The following CMTM5 variants were observed in gnomAD, a reference collection of about 807,000 sequenced individuals.
CMTM5 encodes CKLF-like MARVEL transmembrane domain-containing protein 5.
Under a neutral mutation model 26.9 loss-of-function variants are expected in CMTM5, and 25 were observed. The observed-to-expected ratio is 0.93, with a 90% confidence interval of 0.68 to 1.30. The LOEUF is 1.30. Among genes scored for constraint, CMTM5 ranks in the 50% most tolerant of loss-of-function variants. The pLI is 0.00. For synonymous variants in CMTM5, 98 were observed against 115.5 expected, an observed-to-expected ratio of 0.85 and a Z score of 0.97; for missense variants, 292 against 289.6, an observed-to-expected ratio of 1.01 and a Z score of -0.06.
rs1230523534 is a variant in CMTM5, at chr14:23,378,091, G to C, written c.127-258G>C. 1 of 548,408 alleles carries C rather than the reference G, an allele frequency of 1.8e-6. No individual in the cohort carries two copies. Among genetic ancestry groups the C allele is most frequent in the African/African-American group, 1.9e-5 (1 of 52,676 alleles). The allele number at this position is 548,408 out of a possible 1,614,324, so 34.0% of individuals were successfully genotyped here. The stretch of plus-strand genomic sequence containing the variant: ...TGAATTACTGTGGGATAGTGCTCCT[G>C]GGAGCCATATGGCTTGGCCAGACTG... On this transcript the variant is annotated intron_variant, in intron 1 of 5. Coordinates refer to ENST00000339180, the MANE Select transcript of CMTM5 (RefSeq NM_001288746.2). The surrounding 1 kb of genome is among the most constrained non-coding windows in gnomAD (Gnocchi z 4.2).
Position 23,377,228 on chromosome 14 carries a change from G to C in CMTM5, c.-24G>C. 1 of 1,609,006 alleles carries C rather than the reference G, an allele frequency of 6.2e-7. No individual in the cohort carries two copies. The highest frequency in any genetic ancestry group is 1.1e-5 in the South Asian group (1 of 90,892). ...CTTGCTGGGCTTTTGGCAGTAGGGGGCTGTGTTGGTGGGCCCTACGAAGAT... is the reference window on the plus strand; with the variant it reads ...CTTGCTGGGCTTTTGGCAGTAGGGGCCTGTGTTGGTGGGCCCTACGAAGAT... On this transcript the variant is annotated 5_prime_UTR_variant, in exon 1 of 6. Coordinates refer to ENST00000339180, the MANE Select transcript of CMTM5 (RefSeq NM_001288746.2). The surrounding 1 kb of genome is among the most constrained non-coding windows in gnomAD (Gnocchi z 4.6).
In CMTM5 at chr14:23,379,742, G is replaced by A. The variant is rs1380059566; in HGVS notation, c.*255G>A. 1.2e-6 allele frequency: 1 copy of A among 862,126 alleles called. No individual in the cohort carries two copies. Among genetic ancestry groups the A allele is most frequent in the Non-Finnish European group, 1.7e-6 (1 of 579,538 alleles). The allele number at this position is 862,126 out of a possible 1,614,324, so 53.4% of individuals were successfully genotyped here. A position where few individuals can be genotyped will look rare whatever the true frequency, so the allele number is the denominator to read the frequency against. On this transcript the variant is annotated 3_prime_UTR_variant, in exon 6 of 6. Coordinates refer to ENST00000339180, the MANE Select transcript of CMTM5 (RefSeq NM_001288746.2). ...GGAGGGGAGGAATCTGGACCTCTAA[G>A]TCATTCCCAAATTAAAATATTCAAA...
rs1753694404 is a variant in CMTM5, at chr14:23,378,892, G to A, written c.480+23G>A. On this transcript the variant is annotated intron_variant, in intron 3 of 5. Coordinates refer to ENST00000339180, the MANE Select transcript of CMTM5 (RefSeq NM_001288746.2). The surrounding 1 kb of genome is among the most constrained non-coding windows in gnomAD (Gnocchi z 4.2). ...AGTGTGAGCGCTCTGTCTCTTGAATGTGCTTCATATTGTGTGAGGGGTATC... is the reference window on the plus strand; with the variant it reads ...AGTGTGAGCGCTCTGTCTCTTGAATATGCTTCATATTGTGTGAGGGGTATC... 2 of 1,612,226 alleles carry A rather than the reference G, an allele frequency of 1.2e-6. No homozygotes were observed. Among genetic ancestry groups the A allele is most frequent in the South Asian group, 2.2e-5 (2 of 90,852 alleles).
At position 23,378,313 on chromosome 14, in the gene CMTM5, C is replaced by T; in HGVS notation, c.127-36C>T. 2.5e-6 allele frequency: 4 copies of T among 1,610,396 alleles called. No homozygotes were observed. Among genetic ancestry groups the T allele is most frequent in the Non-Finnish European group, 3.4e-6 (4 of 1,178,134 alleles). ...CAAAGCCCTGGCCCCTGCCTGTGTCCCCTTCTTGGCATGTTCCACATGCTC... is the reference window on the plus strand; with the variant it reads ...CAAAGCCCTGGCCCCTGCCTGTGTCTCCTTCTTGGCATGTTCCACATGCTC... On this transcript the variant is annotated intron_variant, in intron 1 of 5. Coordinates refer to ENST00000339180, the MANE Select transcript of CMTM5 (RefSeq NM_001288746.2). This position sits in a 1 kb window ranked among gnomAD's most constrained non-coding sequence, Gnocchi z 4.2.
At position 23,379,583 on chromosome 14, in the gene CMTM5, AC is replaced by A; in HGVS notation, c.*100del. ...GATTCACTAGCCCCCAGCCCGCCAA[AC>A]CCCACCCCAGCCCTACACAGCAGTC... On this transcript the variant is annotated 3_prime_UTR_variant, in exon 6 of 6. Transcript: ENST00000339180. The A allele has an allele frequency of 6.4e-7, 1 of 1,567,056 alleles. No individual in the cohort carries two copies. The highest frequency in any genetic ancestry group is 8.6e-7 in the Non-Finnish European group (1 of 1,162,526).
In CMTM5 at chr14:23,377,083, C is replaced by T; in HGVS notation, c.-169C>T. On this transcript the variant is annotated 5_prime_UTR_variant, in exon 1 of 6. Coordinates refer to ENST00000339180, the MANE Select transcript of CMTM5 (RefSeq NM_001288746.2). The surrounding 1 kb of genome is among the most constrained non-coding windows in gnomAD (Gnocchi z 4.6). ...TGGGTGAGGGCCCATCTGGGCAAGG[C>T]CCCCAGCGCCTGCCTTCTCTCCCGG... The T allele has an allele frequency of 1.1e-6, 1 of 869,638 alleles. No individual in the cohort carries two copies. The highest frequency in any genetic ancestry group is 1.7e-6 in the Non-Finnish European group (1 of 577,110). 53.9% of individuals were successfully genotyped at this position (869,638 alleles called of 1,614,324 possible). A position where few individuals can be genotyped will look rare whatever the true frequency, so the allele number is the denominator to read the frequency against.
chr14:23,377,190 G>C lies in CMTM5; in HGVS notation c.-62G>C, dbSNP rs1890594897. ...TCCTGTCTGTTTCCCCATCCTGCCAGATTTCTGTTTCTCTTGCTGGGCTTT... is the reference window on the plus strand; with the variant it reads ...TCCTGTCTGTTTCCCCATCCTGCCACATTTCTGTTTCTCTTGCTGGGCTTT... On this transcript the variant is annotated 5_prime_UTR_variant, in exon 1 of 6. Coordinates refer to ENST00000339180, the MANE Select transcript of CMTM5 (RefSeq NM_001288746.2). This position sits in a 1 kb window ranked among gnomAD's most constrained non-coding sequence, Gnocchi z 4.6. 1 of 1,591,610 alleles carries C rather than the reference G, an allele frequency of 6.3e-7. No individual in the cohort carries two copies. Among genetic ancestry groups the C allele is most frequent in the Non-Finnish European group, 8.5e-7 (1 of 1,171,314 alleles).
At position 23,379,064 on chromosome 14, in the gene CMTM5, T is replaced by C; in HGVS notation, c.514T>C (p.Phe172Leu). Residue 172 changes from phenylalanine (F) to leucine (L), a missense_variant, in exon 4 of 6, where the codon TTC becomes CTC. Physicochemically the swap from Phe to Leu is conservative, Grantham distance 22. Coordinates refer to ENST00000339180, the MANE Select transcript of CMTM5 (RefSeq NM_001288746.2). ...GCGCTGTGTCAGTGCCATCATCATC[T>C]TCCTGGTGGTCTCCTTTGCAGCTGT... ...FLRCVSAIII[F>L]LVVSFAAVTS... 6.2e-7 allele frequency: 1 copy of C among 1,614,124 alleles called. No homozygotes were observed. The highest frequency in any genetic ancestry group is 1.1e-5 in the South Asian group (1 of 91,070).
At chr14:23,379,255 G>A in intron 4 of CMTM5, 44 bp from the exon 5 acceptor site, 1 of 1,612,232 alleles carries the variant, frequency 6.2e-7, no homozygotes, top group Admixed American at 1.7e-5. Context: ...TAACCCAATG[G>A]CCCTATAGCC....
chr14:23,379,151 G>T, intron 4 of CMTM5, 28 bp downstream of exon 4: 1 of 1,610,022 alleles, frequency 6.2e-7, no homozygotes, highest in Non-Finnish European at 8.5e-7. Flanking sequence ...GGACTCCTTA[G>T]CCCCTCAAGA....
chr14:23,379,710 G>C lies in CMTM5; in HGVS notation c.*223G>C, dbSNP rs539218396. On this transcript the variant is annotated 3_prime_UTR_variant, in exon 6 of 6. Coordinates refer to ENST00000339180, the MANE Select transcript of CMTM5 (RefSeq NM_001288746.2). ...AGAGGAGGGGAACTTATTGGGGGAG[G>C]GGGGGTGGAGGGGAGGAATCTGGAC... 2.3e-5 allele frequency: 22 copies of C among 959,472 alleles called. No homozygotes were observed. In the East Asian group the frequency reaches 5.9e-4, roughly 26 times the overall value. The allele number at this position is 959,472 out of a possible 1,614,324, so 59.4% of individuals were successfully genotyped here.
Position 23,377,258 on chromosome 14 carries a change from A to T in CMTM5, c.7A>T (p.Ser3Cys), listed in dbSNP as rs758016692. 16 of 1,611,978 alleles carry T rather than the reference A, an allele frequency of 9.9e-6. No homozygotes were observed. The South Asian group carries it at 1.6e-4, about 17-fold the overall frequency. The change falls in exon 1 of 6, where the codon AGT (serine) becomes TGT (cysteine). Residue 3 changes from serine (S) to cysteine (C), a missense_variant. Ser to Cys is a moderately radical substitution (Grantham distance 112). Transcript: ENST00000339180. The surrounding 1 kb of genome is among the most constrained non-coding windows in gnomAD (Gnocchi z 4.6). ML[S>C]ARDRRDRHPE... ...GTTGGTGGGCCCTACGAAGATGCTC[A>T]GTGCTCGAGATCGCCGGGACCGGCA...
In CMTM5 at chr14:23,378,293, C is replaced by T. The variant is rs1890670057; in HGVS notation, c.127-56C>T. The T allele has an allele frequency of 6.3e-7, 1 of 1,594,228 alleles. No homozygotes were observed. The highest frequency in any genetic ancestry group is 8.6e-7 in the Non-Finnish European group (1 of 1,167,752). On this transcript the variant is annotated intron_variant, in intron 1 of 5. Coordinates refer to ENST00000339180, the MANE Select transcript of CMTM5 (RefSeq NM_001288746.2). The surrounding 1 kb of genome is among the most constrained non-coding windows in gnomAD (Gnocchi z 4.2). Reference sequence around the variant, plus strand: ...AGCTTCCAAGGAGGGGAAGGCAAAGCCCTGGCCCCTGCCTGTGTCCCCTTC... The same window carrying T: ...AGCTTCCAAGGAGGGGAAGGCAAAGTCCTGGCCCCTGCCTGTGTCCCCTTC...
Position 23,379,085 on chromosome 14 carries a change from G to T in CMTM5, c.535G>T (p.Ala179Ser). The change falls in exon 4 of 6, where the codon GCT becomes TCT. Residue 179 changes from alanine (A) to serine (S), a missense_variant. Coordinates refer to ENST00000339180, the MANE Select transcript of CMTM5 (RefSeq NM_001288746.2). ...IIIFLVVSFA[A>S]VTSRDGAAIA... ...CATCTTCCTGGTGGTCTCCTTTGCA[G>T]CTGTGACCTCCCGGGACGGAGCTGC... 1 of 1,614,064 alleles carries T rather than the reference G, an allele frequency of 6.2e-7. No individual in the cohort carries two copies.
chr14:23,377,058 T>A lies in CMTM5; in HGVS notation c.-194T>A. The A allele has an allele frequency of 3.0e-6, 2 of 667,306 alleles. No homozygotes were observed. The highest frequency in any genetic ancestry group is 4.9e-6 in the Non-Finnish European group (2 of 404,440). The allele number at this position is 667,306 out of a possible 1,614,324, so 41.3% of individuals were successfully genotyped here. A position where few individuals can be genotyped will look rare whatever the true frequency, so the allele number is the denominator to read the frequency against. On this transcript the variant is annotated 5_prime_UTR_variant, in exon 1 of 6. Transcript: ENST00000339180. This position sits in a 1 kb window ranked among gnomAD's most constrained non-coding sequence, Gnocchi z 4.6. ...CAGCAGCAGAGGCACTCTGGGCAGC[T>A]GGGTGAGGGCCCATCTGGGCAAGGC... is the stretch of plus-strand genomic sequence containing the variant.
At position 23,377,139 on chromosome 14, in the gene CMTM5, T is replaced by C. The variant is rs1595038910; in HGVS notation, c.-113T>C. The C allele has an allele frequency of 2.8e-6, 4 of 1,433,532 alleles. No homozygotes were observed. In the South Asian group the frequency reaches 3.8e-5, roughly 14 times the overall value. 88.8% of individuals were successfully genotyped at this position (1,433,532 alleles called of 1,614,324 possible). A position where few individuals can be genotyped will look rare whatever the true frequency, so the allele number is the denominator to read the frequency against. On this transcript the variant is annotated 5_prime_UTR_variant, in exon 1 of 6. Coordinates refer to ENST00000339180, the MANE Select transcript of CMTM5 (RefSeq NM_001288746.2). This position sits in a 1 kb window ranked among gnomAD's most constrained non-coding sequence, Gnocchi z 4.6. Reference sequence around the variant, plus strand: ...TGTGGGCAAGCCTCCTGCTTCACTTTCAGGTTTCTCGAAGTGCCTTCTTGC... The same window carrying C: ...TGTGGGCAAGCCTCCTGCTTCACTTCCAGGTTTCTCGAAGTGCCTTCTTGC...
rs917421192 is a variant in CMTM5, at chr14:23,379,551, T to C, written c.*64T>C. On this transcript the variant is annotated 3_prime_UTR_variant, in exon 6 of 6. Coordinates refer to ENST00000339180, the MANE Select transcript of CMTM5 (RefSeq NM_001288746.2). ...GAGGACAGTGGAGCCCAGACACGTCTCCTTGGGATTCACTAGCCCCCAGCC... is the reference window on the plus strand; with the variant it reads ...GAGGACAGTGGAGCCCAGACACGTCCCCTTGGGATTCACTAGCCCCCAGCC... 6.0e-5 allele frequency: 97 copies of C among 1,607,584 alleles called. No homozygotes were observed. Among genetic ancestry groups the C allele is most frequent in the Non-Finnish European group, 8.1e-5 (96 of 1,179,584 alleles).
chr14:23,377,308 G>C lies in CMTM5; in HGVS notation c.57G>C (p.Glu19Asp). The C allele has an allele frequency of 6.2e-7, 1 of 1,611,822 alleles. No homozygotes were observed. Among genetic ancestry groups the C allele is most frequent in the Non-Finnish European group, 8.5e-7 (1 of 1,178,946 alleles). ...ACCCTGAGGAGGGGGTAGTTGCAGAGCTCCAGGGCTTCGCGGTGGACAAGG... is the reference window on the plus strand; with the variant it reads ...ACCCTGAGGAGGGGGTAGTTGCAGACCTCCAGGGCTTCGCGGTGGACAAGG... Reference protein sequence around the residue: ...DRHPEEGVVAELQGFAVDKAF... With the variant: ...DRHPEEGVVADLQGFAVDKAF... Residue 19 changes from glutamate to aspartate, a missense_variant, in exon 1 of 6, where the codon GAG becomes GAC. Transcript: ENST00000339180. The surrounding 1 kb of genome is among the most constrained non-coding windows in gnomAD (Gnocchi z 4.6).
chr14:23,377,456 C>T lies in CMTM5; in HGVS notation c.126+79C>T. The T allele has an allele frequency of 5.5e-6, 8 of 1,467,204 alleles. No individual in the cohort carries two copies. Among genetic ancestry groups the T allele is most frequent in the Non-Finnish European group, 7.2e-6 (8 of 1,107,510 alleles). The allele number at this position is 1,467,204 out of a possible 1,614,324, so 90.9% of individuals were successfully genotyped here. A position where few individuals can be genotyped will look rare whatever the true frequency, so the allele number is the denominator to read the frequency against. On this transcript the variant is annotated intron_variant, in intron 1 of 5. Transcript: ENST00000339180. This position sits in a 1 kb window ranked among gnomAD's most constrained non-coding sequence, Gnocchi z 4.6. The stretch of plus-strand genomic sequence containing the variant: ...GCCAGCCTTATGCCAGCCCCCAGCT[C>T]ACCCTTCAGTAGCCTCCTTCCCCAA...
Sources: allele counts gnomAD v4.1 joint callset, GRCh38; gene constraint gnomAD v4.1.1; non-coding constraint Gnocchi (gnomAD v3.1); transcripts MANE v1.5; gene names NCBI Gene and HGNC (gene_info 2026-07-23, HGNC 2026-07-21).